The following ABCA9 variants were observed in gnomAD, a reference collection of about 807,000 sequenced individuals.
The protein encoded by ABCA9 is ATP binding cassette subfamily A member 9, also known as ATP-binding cassette sub-family A member 9.
Under a neutral mutation model 205.3 loss-of-function variants are expected in ABCA9, and 183 were observed. That is an observed-to-expected ratio of 0.89 (90% CI 0.79 to 1.01). ABCA9 has a LOEUF of 1.01. Among genes scored for constraint, ABCA9 ranks in the 50% least tolerant of loss-of-function variants. The pLI is 0.00. For missense variants in ABCA9, 1,805 were observed against 1,912.4 expected (o/e 0.94, Z 1.05); for synonymous variants, 651 against 683.3 (o/e 0.95, Z 0.74).
rs1451902218 is a variant in ABCA9 at position 69,026,452 on chromosome 17, A to G, written c.2066T>C (p.Ile689Thr). 1 of 1,613,378 alleles carries G rather than the reference A, an allele frequency of 6.2e-7. No individual in the cohort carries two copies. Among genetic ancestry groups the G allele is most frequent in the East Asian group, 2.2e-5 (1 of 44,882 alleles). ...ADILADRKVF[I>T]SNGKLKCAGS... ...TGCACACTTCAGCTTCCCATTGGAT[A>G]TGAACACCTTCCTGTCTAGTTAGAA... Residue 689 changes from isoleucine to threonine, a missense_variant, in exon 16 of 39, where the codon ATA becomes ACA. Coordinates refer to ENST00000340001, the MANE Select transcript of ABCA9 (RefSeq NM_080283.4).
chr17:69,051,602 G>A (rs1486439225), intron 1 of ABCA9: 1 of 163,104 alleles, frequency 6.1e-6, no homozygotes, highest in African/African-American at 2.4e-5. Flanking sequence ...GTCATGAGGG[G>A]ACCAGTGCAA....
chr17:69,018,657 T>A, intron 19 of ABCA9, 78 bp from the exon 20 acceptor site: 1 of 988,156 alleles, frequency 1.0e-6, no homozygotes. Context: ...GTATAATGAA[T>A]ATAATAACAG....
At position 69,051,105 on chromosome 17, in the gene ABCA9, C is replaced by T. The variant is rs754353946; in HGVS notation, c.22G>A (p.Val8Met). The stretch of plus-strand genomic sequence containing the variant: ...AGAAGAGCCCATGTTTGCTGACCCA[C>T]GCTCATGCGTCTCTTGCTCATTTTG... The part of the protein sequence containing the change: MSKRRMS[V>M]GQQTWALLCK... Residue 8 changes from valine (V) to methionine (M), a missense_variant, in exon 2 of 39, where the codon GTG becomes ATG. Transcript: ENST00000340001. 1.4e-5 allele frequency: 23 copies of T among 1,613,508 alleles called. 1 individual carries two copies. The highest frequency in any genetic ancestry group is 6.7e-5 in the African/African-American group (5 of 74,890).
rs774698790 is a variant in ABCA9 at position 68,975,781 on chromosome 17, T to A, written c.*134A>T. ...TCGCCTGTTGTCTCACTGTAAGAAA[T>A]ACTACTGAGGATAATTATTGCATGA... is the stretch of plus-strand genomic sequence containing the variant. On this transcript the variant is annotated 3_prime_UTR_variant, in exon 39 of 39. Coordinates refer to ENST00000340001, the MANE Select transcript of ABCA9 (RefSeq NM_080283.4). 3.5e-5 allele frequency: 25 copies of A among 717,258 alleles called. No homozygotes were observed. The highest frequency in any genetic ancestry group is 5.8e-5 in the Non-Finnish European group (25 of 427,608). 44.4% of individuals were successfully genotyped at this position (717,258 alleles called of 1,614,324 possible).
chr17:69,076,232 A>G, the ABCA9 span, among the ~76,000 whole-genome samples: 1 of 152,014 alleles, frequency 6.6e-6, no homozygotes, highest in South Asian at 2.1e-4. Context: ...TCATGAAGGG[A>G]TGTTGGATTT....
intron 23 of ABCA9, among the ~76,000 whole-genome samples, chr17:69,010,526 G>A (rs1413452881): frequency 6.6e-6 from 1 of 152,046 alleles, no homozygotes; most frequent in Non-Finnish European, 1.5e-5. Context: ...GGCTCTGCCA[G>A]ACAACATAAA....
chr17:68,979,983 C>G (rs71613206), intron 37 of ABCA9, among the ~76,000 whole-genome samples: 1 of 152,156 alleles, frequency 6.6e-6, no homozygotes, highest in African/African-American at 2.4e-5. Flanking sequence ...AAACTACCAT[C>G]AGAGTGAACA....
At chr17:69,077,725 C>G in the ABCA9 span, among the ~76,000 whole-genome samples, 1 of 152,044 alleles carries the variant, frequency 6.6e-6, no homozygotes, top group African/African-American at 2.4e-5. Flanking sequence ...GTTAACTCCT[C>G]TTGTTGAATT....
chr17:69,010,055 T>TAAAAG, intron 23 of ABCA9, among the ~76,000 whole-genome samples: 1 of 151,758 alleles, frequency 6.6e-6, no homozygotes, highest in South Asian at 2.1e-4. Flanking sequence ...CAGTCAAGAG[T>TAAAAG]AAAAGAATGA....
intron 9 of ABCA9, 96 bp from the exon 10 acceptor site, chr17:69,032,372 C>G: frequency 8.8e-7 from 1 of 1,138,752 alleles, no homozygotes. Context: ...AAACCTGAAC[C>G]CACATTATCA....
rs1369576288 is a variant in ABCA9 at position 68,984,123 on chromosome 17, T to A, written c.4432A>T (p.Thr1478Ser). 6.2e-7 allele frequency: 1 copy of A among 1,614,020 alleles called. No individual in the cohort carries two copies. Among genetic ancestry groups the A allele is most frequent in the Non-Finnish European group, 8.5e-7 (1 of 1,180,014 alleles). The change falls in exon 35 of 39, where the codon ACC becomes TCC. Residue 1478 changes from threonine to serine, a missense_variant. Physicochemically the swap from Thr to Ser is moderately conservative, Grantham distance 58. Transcript: ENST00000340001. ...RNTERGALLT[T>S]HYMAEAEAVC... ...GCCTCAGCCTCTGCCATGTAGTGGG[T>A]GGTCAGGAGGGCGCCCCTCTCCGTG...
chr17:69,077,686 C>CA, the ABCA9 span, among the ~76,000 whole-genome samples: 2 of 152,040 alleles, frequency 1.3e-5, no homozygotes, highest in African/African-American at 2.4e-5. Context: ...CTGGGTGCTC[C>CA]AATGTTGGGT....
chr17:69,076,585 T>C, the ABCA9 span, among the ~76,000 whole-genome samples: 11 of 152,228 alleles, frequency 7.2e-5, no homozygotes, highest in Admixed American at 4.6e-4. Context: ...TTCAGTAAAA[T>C]TGCTCAGCTC....
intron 25 of ABCA9, among the ~76,000 whole-genome samples, chr17:68,998,095 T>C (rs2069695527): frequency 1.3e-5 from 2 of 152,352 alleles, no homozygotes; most frequent in Admixed American, 1.3e-4. Context: ...GTTTCCTCCA[T>C]GTCTTTTCGT....
chr17:68,995,782 G>A, intron 26 of ABCA9, 113 bp downstream of exon 26: 1 of 1,358,844 alleles, frequency 7.4e-7, no homozygotes, highest in Non-Finnish European at 1.0e-6. Flanking sequence ...TCCAAAGACA[G>A]AGACTTTTAA....
At chr17:69,002,834 G>T (rs1435276407) in intron 25 of ABCA9, among the ~76,000 whole-genome samples, 6 of 143,120 alleles carry the variant, frequency 4.2e-5, no homozygotes, top group Middle Eastern at 7.2e-3. Flanking sequence ...AGGATAGTTA[G>T]CTCTTCTTGT....
At chr17:69,076,278 A>T in the ABCA9 span, among the ~76,000 whole-genome samples, 11 of 152,064 alleles carry the variant, frequency 7.2e-5, no homozygotes, top group Non-Finnish European at 1.6e-4. Context: ...TGATATACTC[A>T]TATGGTTTTA....
At chr17:68,980,821 G>A (rs1446409735) in intron 37 of ABCA9, among the ~76,000 whole-genome samples, 3 of 150,386 alleles carry the variant, frequency 2.0e-5, no homozygotes, top group Non-Finnish European at 4.4e-5. Context: ...GTTAAATGAC[G>A]AGTTACTGGG....
chr17:69,015,090 C>T (rs2070536392), intron 22 of ABCA9, among the ~76,000 whole-genome samples: 1 of 152,118 alleles, frequency 6.6e-6, no homozygotes, highest in African/African-American at 2.4e-5. Flanking sequence ...TCCAGCATAG[C>T]AGTGCTTTAC....
Sources: gnomAD v4.1 joint callset for allele counts (sites outside exome capture counted in the v4.1 genomes callset) on GRCh38, gnomAD v4.1.1 for gene constraint, MANE v1.5 for transcripts, NCBI Gene and HGNC (gene_info 2026-07-23, HGNC 2026-07-21) for gene names.